The following CA4 variants were observed in gnomAD, a reference collection of about 807,000 sequenced individuals.
CA4 encodes the protein carbonic anhydrase 4, also known as CA-IV.
A neutral mutation model predicts 34.5 loss-of-function variants in CA4; 24 were observed. The ratio of observed to expected loss-of-function variants is 0.70; its 90% confidence interval spans 0.50 to 0.98. CA4 has a LOEUF of 0.98. CA4 is among the 50% of genes least tolerant of loss of function. CA4 has a pLI of 0.00. For missense variants in CA4, 394 were observed against 396.7 expected, an observed-to-expected ratio of 0.99 and a Z score of 0.06; for synonymous variants, 178 against 170.6, an observed-to-expected ratio of 1.04 and a Z score of -0.34.
downstream of CA4, among the ~76,000 whole-genome samples, chr17:60,160,780 C>G (rs1044622608): frequency 3.4e-5 from 5 of 145,592 alleles, no homozygotes; most frequent in African/African-American, 5.0e-5. Context: ...GAATTCAGGG[C>G]AGGGAAGGTG....
At chr17:60,165,488 TC>T (rs1474577295) in intron 5 of CA4, among the ~76,000 whole-genome samples, 1 of 152,074 alleles carries the variant, frequency 6.6e-6, no homozygotes, top group Non-Finnish European at 1.5e-5. Context: ...TGAGCCCACA[TC>T]CCTGAAAGAA....
At position 60,157,767 on chromosome 17, in the gene CA4, G is replaced by A. The variant is rs139119204; in HGVS notation, c.492G>A (p.Ala164=). Residue 164 remains alanine, a synonymous_variant, in exon 5 of 8, where the codon GCG becomes GCA. Coordinates refer to ENST00000300900, the MANE Select transcript of CA4 (RefSeq NM_000717.5). ...CCCAGGACCCTGAAGACGAAATTGCGGTGCTGGCCTTTCTGGTGGAGGTGG... is the reference window on the plus strand; with the variant it reads ...CCCAGGACCCTGAAGACGAAATTGCAGTGCTGGCCTTTCTGGTGGAGGTGG... ...KEAQDPEDEI[A]VLAFLVEAGT... 768 of 1,613,668 alleles carry A rather than the reference G, an allele frequency of 4.8e-4. 7 individuals are homozygous for A. The African/African-American group carries it at 8.4e-3, about 18-fold the overall frequency.
chr17:60,158,569 G>A, intron 7 of CA4, 123 bp downstream of exon 7: 1 of 926,088 alleles, frequency 1.1e-6, no homozygotes, highest in Non-Finnish European at 1.7e-6. Flanking sequence ...GAAGTCCGTT[G>A]TTAATCATCG....
chr17:60,178,966 A>G, the CA4 span: 4 of 334,568 alleles, frequency 1.2e-5, no homozygotes, highest in South Asian at 1.2e-4. Flanking sequence ...GACAAGCACA[A>G]TTGAATTCTT....
downstream of CA4, among the ~76,000 whole-genome samples, chr17:60,175,119 G>A (rs534096159): frequency 5.3e-5 from 8 of 149,986 alleles, no homozygotes; most frequent in South Asian, 6.3e-4. Context: ...TTCTGGGTTC[G>A]AGCGATCCTC....
At chr17:60,155,649 C>T (rs1038794216) in intron 2 of CA4, among the ~76,000 whole-genome samples, 6 of 150,542 alleles carry the variant, frequency 4.0e-5, no homozygotes, top group Admixed American at 2.7e-4. Context: ...TGCACACACA[C>T]ACTCACACTC....
intron 3 of CA4, chr17:60,156,953 G>A: frequency 3.4e-6 from 2 of 595,334 alleles, no homozygotes; most frequent in Non-Finnish European, 6.0e-6. Flanking sequence ...AGAAGGACAT[G>A]TGCAAAGGCG....
intron 5 of CA4, among the ~76,000 whole-genome samples, chr17:60,166,482 G>A (rs2083856921): frequency 6.6e-6 from 1 of 152,224 alleles, no homozygotes; most frequent in African/African-American, 2.4e-5. Flanking sequence ...AAATGCCTAT[G>A]TAAAATTGCT....
At chr17:60,157,870 A>T in intron 5 of CA4, 82 bp downstream of exon 5, 1 of 1,510,598 alleles carries the variant, frequency 6.6e-7, no homozygotes, top group South Asian at 1.1e-5. Context: ...GACTCCAGCG[A>T]GGCAGGAGGG....
At position 60,159,475 on chromosome 17, in the gene CA4, A is replaced by G. The variant is rs1211657762; in HGVS notation, c.*51A>G. ...CTGTTGCCTCAGCTCTCCAAGTTCC[A>G]GGCTTCCGGTCCTTAGCCTTCCCAG... is the stretch of plus-strand genomic sequence containing the variant. On this transcript the variant is annotated 3_prime_UTR_variant, in exon 8 of 8. Coordinates refer to ENST00000300900, the MANE Select transcript of CA4 (RefSeq NM_000717.5). 1.8e-5 allele frequency: 28 copies of G among 1,581,838 alleles called. No homozygotes were observed. Among genetic ancestry groups the G allele is most frequent in the Non-Finnish European group, 2.2e-5 (25 of 1,160,860 alleles).
chr17:60,159,162 C>CA, intron 7 of CA4, 68 bp from the exon 8 acceptor site: 1 of 1,413,728 alleles, frequency 7.1e-7, no homozygotes, highest in Non-Finnish European at 9.8e-7. Flanking sequence ...GAGGTGCCTG[C>CA]CTGAGGTCAC....
intron 1 of CA4, among the ~76,000 whole-genome samples, chr17:60,150,842 C>G (rs986111581): frequency 6.6e-6 from 1 of 151,570 alleles, no homozygotes; most frequent in Non-Finnish European, 1.5e-5. Flanking sequence ...TCCTGGAAGC[C>G]GCGCTTCCCA....
At chr17:60,156,458 T>G in intron 2 of CA4, 102 bp from the exon 3 acceptor site, 2 of 1,180,418 alleles carry the variant, frequency 1.7e-6, no homozygotes, top group Non-Finnish European at 2.5e-6. Flanking sequence ...AAAGCGTTTC[T>G]GTGTGGGAAC....
chr17:60,164,166 C>A (rs2083827699), downstream of CA4, among the ~76,000 whole-genome samples: 1 of 145,030 alleles, frequency 6.9e-6, no homozygotes, highest in African/African-American at 2.6e-5. Flanking sequence ...CCCTCCCTCC[C>A]TCCCTCTCTC....
Position 60,159,262 on chromosome 17 carries a change from C to T in CA4, c.777C>T (p.Asp259=). The change falls in exon 8 of 8, where the codon GAC becomes GAT. Residue 259 remains aspartate (D), a synonymous_variant. Transcript: ENST00000300900. ...ILAFSQKLYY[D]KEQTVSMKDN... ...CATTCTCTCAGAAGCTGTACTACGA[C>T]AAGGAACAGACAGTGAGCATGAAGG... 6.2e-7 allele frequency: 1 copy of T among 1,608,682 alleles called. No homozygotes were observed. The highest frequency in any genetic ancestry group is 8.5e-7 in the Non-Finnish European group (1 of 1,177,478).
intron 5 of CA4, among the ~76,000 whole-genome samples, chr17:60,166,448 A>T (rs560545747): frequency 6.6e-6 from 1 of 152,362 alleles, no homozygotes; most frequent in African/African-American, 2.4e-5. Flanking sequence ...GATTTCTATA[A>T]GTGAAGTTTC....
downstream of CA4, among the ~76,000 whole-genome samples, chr17:60,163,143 G>A (rs1477598973): frequency 6.6e-6 from 1 of 152,068 alleles, no homozygotes; most frequent in Admixed American, 6.5e-5. Flanking sequence ...ACAATGTAGG[G>A]GTGGGGGAGG....
downstream of CA4, among the ~76,000 whole-genome samples, chr17:60,164,273 C>T (rs2083831187): frequency 6.8e-6 from 1 of 148,022 alleles, no homozygotes; most frequent in African/African-American, 2.5e-5. Flanking sequence ...CCGTCCTTCC[C>T]TCCCTCCCTC....
At chr17:60,153,296 C>T (rs1258284256) in intron 1 of CA4, among the ~76,000 whole-genome samples, 1 of 152,150 alleles carries the variant, frequency 6.6e-6, no homozygotes, top group Non-Finnish European at 1.5e-5. Flanking sequence ...CAAGAGCCCA[C>T]CACTGCCCTC....
Sources: gnomAD v4.1 joint callset for allele counts (sites outside exome capture counted in the v4.1 genomes callset) on GRCh38, gnomAD v4.1.1 for gene constraint, MANE v1.5 for transcripts, NCBI Gene and HGNC (gene_info 2026-07-23, HGNC 2026-07-21) for gene names.